CHST8: variants seen among roughly 807,000 people sequenced by gnomAD.
The protein encoded by CHST8 is GALNAC-4-ST1.
CHST8 carries 10 observed loss-of-function variants against 15.0 expected under a neutral mutation model. That is an observed-to-expected ratio of 0.67 (90% CI 0.41 to 1.13). The LOEUF (loss-of-function observed/expected upper bound fraction) is 1.13, where lower values mean the gene tolerates loss of function less well. Ranked by LOEUF, CHST8 falls within the 50% of genes most tolerant of loss-of-function variation. The pLI, the probability that CHST8 is intolerant of heterozygous loss-of-function variation, is 0.00. For missense variants in CHST8, 634 were observed against 608.2 expected (o/e 1.04, Z -0.45); for synonymous variants, 259 against 256.6 (o/e 1.01, Z -0.09).
chr19:33,773,025 A>G lies in CHST8; in HGVS notation c.1237A>G (p.Met413Val), dbSNP rs138799785. 1,098 of 1,611,106 alleles carry G rather than the reference A, an allele frequency of 6.8e-4. 21 individuals are homozygous for G. In the East Asian group the frequency reaches 0.019, roughly 27 times the overall value. Residue 413 changes from methionine (M) to valine (V), a missense_variant, in exon 5 of 5, where the codon ATG (methionine) becomes GTG (valine). Coordinates refer to ENST00000650847, the MANE Select transcript of CHST8 (RefSeq NM_001127895.2). ...CGACTTCTACTACATGGATTACCTG[A>G]TGTTCAACTATTCCAAGCCCTTTGC... Reference protein sequence around the residue: ...TYDFYYMDYLMFNYSKPFADL... With the variant: ...TYDFYYMDYLVFNYSKPFADL...
At chr19:33,742,730 G>A (rs894640698) in intron 3 of CHST8, among the ~76,000 whole-genome samples, 5 of 151,952 alleles carry the variant, frequency 3.3e-5, no homozygotes, top group Non-Finnish European at 5.9e-5. Flanking sequence ...TCGGCTTGTC[G>A]ACCACCTGAC....
chr19:33,767,347 G>A (rs957635631), intron 3 of CHST8, among the ~76,000 whole-genome samples: 2 of 152,196 alleles, frequency 1.3e-5, no homozygotes, highest in Admixed American at 6.5e-5. Context: ...AGAGAGGAGC[G>A]GGCAAGAGAC....
intron 2 of CHST8, among the ~76,000 whole-genome samples, chr19:33,679,537 C>T (rs572200752): frequency 4.1e-4 from 62 of 152,148 alleles, no homozygotes; most frequent in Non-Finnish European, 6.2e-4. Flanking sequence ...GCAGAGGAGG[C>T]GAAGTGAGTG....
At chr19:33,669,296 C>G (rs1037312751) in intron 2 of CHST8, among the ~76,000 whole-genome samples, 1 of 152,144 alleles carries the variant, frequency 6.6e-6, no homozygotes, top group Non-Finnish European at 1.5e-5. Context: ...TTAGGACTCT[C>G]GTTTTTGTTT....
intron 3 of CHST8, among the ~76,000 whole-genome samples, chr19:33,722,899 G>A (rs1973826343): frequency 6.6e-6 from 1 of 152,250 alleles, no homozygotes; most frequent in South Asian, 2.1e-4. Flanking sequence ...CCTTTGCCAG[G>A]AGCAAGGGTA....
chr19:33,686,601 T>C (rs1972984251), intron 2 of CHST8, among the ~76,000 whole-genome samples: 1 of 152,142 alleles, frequency 6.6e-6, no homozygotes, highest in African/African-American at 2.4e-5. Flanking sequence ...ATTAGCTGTT[T>C]TACCAGGCAG....
chr19:33,711,687 A>AGTG (rs1973553328), intron 3 of CHST8, among the ~76,000 whole-genome samples: 2 of 152,202 alleles, frequency 1.3e-5, no homozygotes, highest in Admixed American at 6.5e-5. Context: ...GCTGGAGTGC[A>AGTG]GTGGCATGAT....
At chr19:33,651,949 A>G (rs1161269631) in intron 1 of CHST8, among the ~76,000 whole-genome samples, 2 of 151,916 alleles carry the variant, frequency 1.3e-5, no homozygotes, top group African/African-American at 2.4e-5. Context: ...TGTATCTTCT[A>G]TATTCTTAAT....
At chr19:33,657,279 T>C (rs1972522810) in intron 1 of CHST8, among the ~76,000 whole-genome samples, 1 of 151,546 alleles carries the variant, frequency 6.6e-6, no homozygotes. Flanking sequence ...ACTTTTTTTT[T>C]TTTTTTTGAG....
intron 1 of CHST8, among the ~76,000 whole-genome samples, chr19:33,625,532 G>A (rs948671388): frequency 6.6e-6 from 1 of 152,108 alleles, no homozygotes; most frequent in Non-Finnish European, 1.5e-5. Flanking sequence ...ACCCGGCAGT[G>A]GCACAGCAAA....
At chr19:33,682,754 T>G (rs1430241377) in intron 2 of CHST8, among the ~76,000 whole-genome samples, 2 of 152,382 alleles carry the variant, frequency 1.3e-5, no homozygotes, top group East Asian at 3.9e-4. Context: ...GATTGACACA[T>G]GCAAGCTGTA....
chr19:33,649,167 G>A (rs1280103719), intron 1 of CHST8, among the ~76,000 whole-genome samples: 1 of 152,080 alleles, frequency 6.6e-6, no homozygotes, highest in Non-Finnish European at 1.5e-5. Flanking sequence ...GCCTCCCAAA[G>A]TGCTGGGATT....
intron 2 of CHST8, among the ~76,000 whole-genome samples, chr19:33,688,067 GC>G (rs1326495827): frequency 6.6e-6 from 1 of 152,194 alleles, no homozygotes; most frequent in African/African-American, 2.4e-5. Context: ...AGCCAGCAAG[GC>G]CCGCTGGAAA....
intron 3 of CHST8, among the ~76,000 whole-genome samples, chr19:33,700,284 A>T (rs1973306564): frequency 6.6e-6 from 1 of 152,250 alleles, no homozygotes. Flanking sequence ...GACTGTGAAC[A>T]TCAGAAGTGA....
intron 1 of CHST8, among the ~76,000 whole-genome samples, chr19:33,664,217 A>G (rs1407985283): frequency 1.3e-5 from 2 of 152,110 alleles, no homozygotes; most frequent in African/African-American, 2.4e-5. Context: ...AAAGAGATAT[A>G]TGGATTTAGA....
chr19:33,755,886 G>A (rs914973290), intron 3 of CHST8, among the ~76,000 whole-genome samples: 2 of 152,204 alleles, frequency 1.3e-5, no homozygotes, highest in African/African-American at 4.8e-5. Flanking sequence ...CAAAGCTGGC[G>A]GGTCTAATTG....
chr19:33,716,392 G>C (rs1246296652), intron 3 of CHST8, among the ~76,000 whole-genome samples: 1 of 151,964 alleles, frequency 6.6e-6, no homozygotes, highest in Admixed American at 6.6e-5. Context: ...TTTGAGACAG[G>C]GTCTCACTCG....
chr19:33,758,375 C>A (rs1419913168), intron 3 of CHST8, among the ~76,000 whole-genome samples: 1 of 152,236 alleles, frequency 6.6e-6, no homozygotes, highest in Admixed American at 6.5e-5. Context: ...GAGCACCCAT[C>A]CCTGAGCCCC....
chr19:33,757,652 C>T (rs1333113700), intron 3 of CHST8, among the ~76,000 whole-genome samples: 2 of 151,652 alleles, frequency 1.3e-5, no homozygotes, highest in African/African-American at 4.8e-5. Flanking sequence ...GACAGGTATC[C>T]AGGGGAGGTG....
Sources: gnomAD v4.1 joint callset for allele counts (sites outside exome capture counted in the v4.1 genomes callset) on GRCh38, gnomAD v4.1.1 for gene constraint, MANE v1.5 for transcripts, NCBI Gene and HGNC (gene_info 2026-07-23, HGNC 2026-07-21) for gene names.